Variants in CNTNAP2 observed in about 807,000 individuals in gnomAD.
CNTNAP2 encodes the protein contactin associated protein 2, also known as contactin-associated protein-like 2.
A neutral mutation model predicts 155.2 loss-of-function variants in CNTNAP2; 98 were observed. The observed-to-expected ratio is 0.63, with a 90% CI of 0.54 to 0.75. CNTNAP2 has a LOEUF of 0.75. CNTNAP2 is among the 30% of genes least tolerant of loss of function. The probability of loss-of-function intolerance (pLI) is 0.00; values close to 1 mark genes in which losing one functional copy is unlikely to be tolerated. For missense variants in CNTNAP2, 1,727 were observed against 1,688.1 expected (o/e 1.02, Z -0.40); for synonymous variants, 651 against 631.2 (o/e 1.03, Z -0.47).
intron 10 of CNTNAP2, among the ~76,000 whole-genome samples, chr7:147,408,659 G>A (rs946032028): frequency 6.6e-6 from 1 of 152,184 alleles, no homozygotes; most frequent in Non-Finnish European, 1.5e-5. Flanking sequence ...TCGGGAGGCT[G>A]AGGCAGGAGA....
chr7:147,548,031 A>G (rs897339332), intron 11 of CNTNAP2, among the ~76,000 whole-genome samples: 6 of 152,052 alleles, frequency 3.9e-5, no homozygotes, highest in Admixed American at 2.6e-4. Context: ...GGTTGGTTCT[A>G]TGTCTTTGCT....
intron 1 of CNTNAP2, among the ~76,000 whole-genome samples, chr7:146,711,233 A>G (rs1801064913): frequency 6.8e-6 from 1 of 147,344 alleles, no homozygotes. Context: ...TTATATATAC[A>G]TATACATATA....
chr7:147,242,233 A>G (rs570011867), intron 8 of CNTNAP2, among the ~76,000 whole-genome samples: 11 of 152,296 alleles, frequency 7.2e-5, no homozygotes, highest in Admixed American at 3.3e-4. Context: ...CAAAATGCTT[A>G]TTACCTCAGT....
At chr7:147,660,040 T>G (rs1000418319) in intron 13 of CNTNAP2, among the ~76,000 whole-genome samples, 6 of 152,238 alleles carry the variant, frequency 3.9e-5, no homozygotes, top group African/African-American at 2.4e-5. Context: ...ATCTAGATTC[T>G]TTATAGCTAT....
chr7:146,145,769 G>A (rs1041452038), intron 1 of CNTNAP2, among the ~76,000 whole-genome samples: 9 of 152,032 alleles, frequency 5.9e-5, no homozygotes, highest in African/African-American at 1.4e-4. Context: ...TTTGTACCTC[G>A]CGTCTCTAGA....
At chr7:146,622,186 T>TATATATATACAC (rs1563160412) in intron 1 of CNTNAP2, among the ~76,000 whole-genome samples, 5 of 128,024 alleles carry the variant, frequency 3.9e-5, no homozygotes, top group African/African-American at 1.7e-4. Flanking sequence ...TATATACACA[T>TATATATATACAC]ATATACATAT....
intron 21 of CNTNAP2, among the ~76,000 whole-genome samples, chr7:148,318,407 T>C (rs966021466): frequency 2.6e-5 from 4 of 152,176 alleles, no homozygotes; most frequent in African/African-American, 9.7e-5. Context: ...TGTGTGATTT[T>C]TTTGCCTAAT....
At chr7:147,436,683 A>G (rs1185526051) in intron 10 of CNTNAP2, among the ~76,000 whole-genome samples, 4 of 152,156 alleles carry the variant, frequency 2.6e-5, no homozygotes, top group African/African-American at 4.8e-5. Flanking sequence ...AAGAGCTGGG[A>G]TGGGAGAATC....
intron 4 of CNTNAP2, among the ~76,000 whole-genome samples, chr7:147,045,737 GA>G (rs1305928466): frequency 6.6e-6 from 1 of 152,078 alleles, no homozygotes; most frequent in East Asian, 1.9e-4. Flanking sequence ...AAGGCCAGAA[GA>G]AAATGTGATA....
intron 3 of CNTNAP2, among the ~76,000 whole-genome samples, chr7:146,994,840 T>C (rs532566936): frequency 2.3e-4 from 35 of 151,462 alleles, no homozygotes; most frequent in African/African-American, 7.9e-4. Context: ...TTCACAGTTA[T>C]TTTTGTGGTG....
At chr7:147,244,669 C>A (rs943594997) in intron 8 of CNTNAP2, among the ~76,000 whole-genome samples, 2 of 152,110 alleles carry the variant, frequency 1.3e-5, no homozygotes, top group Non-Finnish European at 1.5e-5. Context: ...ATATGATAAG[C>A]AGGGTAAGTA....
chr7:147,554,370 A>AT, intron 11 of CNTNAP2, among the ~76,000 whole-genome samples: 1 of 150,792 alleles, frequency 6.6e-6, no homozygotes, highest in South Asian at 2.1e-4. Flanking sequence ...AATAGTATGG[A>AT]TTATTTTTTT....
chr7:148,181,045 CT>C (rs1795030317), intron 18 of CNTNAP2, among the ~76,000 whole-genome samples: 1 of 152,190 alleles, frequency 6.6e-6, no homozygotes, highest in African/African-American at 2.4e-5. Context: ...TCCAGGCTCC[CT>C]AGCCTTTGGG....
At chr7:147,348,695 C>A (rs979041856) in intron 9 of CNTNAP2, among the ~76,000 whole-genome samples, 34 of 152,042 alleles carry the variant, frequency 2.2e-4, no homozygotes, top group African/African-American at 8.2e-4. Context: ...TCTACACCCC[C>A]ATGTTTATTG....
At chr7:147,529,924 A>C (rs1433971338) in intron 11 of CNTNAP2, among the ~76,000 whole-genome samples, 1 of 152,232 alleles carries the variant, frequency 6.6e-6, no homozygotes, top group Non-Finnish European at 1.5e-5. Context: ...CAATCTAATA[A>C]AAGTTTAACT....
intron 20 of CNTNAP2, among the ~76,000 whole-genome samples, chr7:148,232,543 T>C (rs1795982414): frequency 6.6e-6 from 1 of 152,220 alleles, no homozygotes; most frequent in Non-Finnish European, 1.5e-5. Context: ...AACAGAAATA[T>C]GAAACAGCCA....
intron 11 of CNTNAP2, among the ~76,000 whole-genome samples, chr7:147,542,176 T>C (rs960195248): frequency 4.6e-5 from 7 of 152,074 alleles, no homozygotes; most frequent in Admixed American, 4.6e-4. Flanking sequence ...TTAACTAAAC[T>C]CTCCACTTAT....
intron 17 of CNTNAP2, among the ~76,000 whole-genome samples, chr7:148,151,706 T>C (rs1467487642): frequency 6.6e-6 from 1 of 152,216 alleles, no homozygotes; most frequent in East Asian, 1.9e-4. Flanking sequence ...TAAAGAAGCC[T>C]CTTTCAATGG....
chr7:146,746,900 A>G (rs1045908812), intron 1 of CNTNAP2, among the ~76,000 whole-genome samples: 13 of 151,764 alleles, frequency 8.6e-5, no homozygotes, highest in Non-Finnish European at 1.2e-4. Flanking sequence ...TAACCTAGCA[A>G]CAAAGAAGTT....
Sources: allele counts gnomAD v4.1 joint callset (sites outside exome capture counted in the v4.1 genomes callset), GRCh38; gene constraint gnomAD v4.1.1; transcripts MANE v1.5; gene names NCBI Gene and HGNC (gene_info 2026-07-23, HGNC 2026-07-21).